CDH18: variants seen among roughly 807,000 people sequenced by gnomAD.
CDH18 encodes the protein cadherin-18.
CDH18 carries 31 observed loss-of-function variants against 67.9 expected under a neutral mutation model. That is an observed-to-expected ratio of 0.46 (90% CI 0.34 to 0.62). CDH18 has a LOEUF of 0.62. Among genes scored for constraint, CDH18 ranks in the 20% least tolerant of loss-of-function variants. The probability of loss-of-function intolerance (pLI) is 0.01; values close to 1 mark genes in which losing one functional copy is unlikely to be tolerated. For synonymous variants in CDH18, 362 were observed against 347.2 expected (o/e 1.04, Z -0.48); for missense variants, 890 against 975.5 (o/e 0.91, Z 1.17).
chr5:19,782,707 G>A (rs184344122), intron 3 of CDH18, among the ~76,000 whole-genome samples: 1 of 152,218 alleles, frequency 6.6e-6, no homozygotes, highest in East Asian at 1.9e-4. Flanking sequence ...ACTCTGATTT[G>A]TCTCCTGCAC....
intron 1 of CDH18, among the ~76,000 whole-genome samples, chr5:20,552,893 T>G (rs1296293721): frequency 6.6e-6 from 1 of 152,096 alleles, no homozygotes; most frequent in African/African-American, 2.4e-5. Context: ...TAGCCGAGAC[T>G]ACAGGCGTGC....
At chr5:20,068,197 T>C (rs1743151131) in intron 2 of CDH18, among the ~76,000 whole-genome samples, 1 of 152,108 alleles carries the variant, frequency 6.6e-6, no homozygotes, top group Non-Finnish European at 1.5e-5. Flanking sequence ...CGTGGCTCTT[T>C]GAGGCATTGT....
rs187781714 is a variant in CDH18 at position 20,218,228 on chromosome 5, G to A, written c.-518+37216C>T. 2.6e-5 allele frequency among the ~76,000 whole-genome samples: 4 copies of A among 151,892 alleles called. No individual in the cohort carries two copies. In the East Asian group the frequency reaches 7.7e-4, roughly 29 times the overall value. ...GTGCAGAATACACATTCTTCTCCTAGGCACATGGATGACACTCAAGAACAG... is the reference window on the plus strand; with the variant it reads ...GTGCAGAATACACATTCTTCTCCTAAGCACATGGATGACACTCAAGAACAG... On this transcript the variant is annotated intron_variant, in intron 2 of 14. Transcript: ENST00000507958.
At chr5:19,561,932 A>C (rs1480215568) in intron 8 of CDH18, among the ~76,000 whole-genome samples, 1 of 152,138 alleles carries the variant, frequency 6.6e-6, no homozygotes, top group African/African-American at 2.4e-5. Context: ...TATCAGCAAT[A>C]TATAATGTGA....
At chr5:20,545,967 T>G (rs1757319261) in intron 1 of CDH18, among the ~76,000 whole-genome samples, 1 of 152,178 alleles carries the variant, frequency 6.6e-6, no homozygotes, top group Non-Finnish European at 1.5e-5. Flanking sequence ...CTGAACATTT[T>G]CAGAATCAGC....
chr5:20,466,383 C>G (rs998570190), intron 1 of CDH18, among the ~76,000 whole-genome samples: 1 of 152,000 alleles, frequency 6.6e-6, no homozygotes, highest in Non-Finnish European at 1.5e-5. Flanking sequence ...AGTTCTTTAT[C>G]GGAAAATCAA....
intron 9 of CDH18, among the ~76,000 whole-genome samples, chr5:19,522,894 C>CAAAAA (rs36099222): frequency 3.6e-5 from 3 of 83,844 alleles, no homozygotes; most frequent in Admixed American, 1.5e-4. Flanking sequence ...GACTCCTTCT[C>CAAAAA]AAAAAAAAAA....
intron 5 of CDH18, among the ~76,000 whole-genome samples, chr5:19,718,290 T>C (rs1765589945): frequency 6.6e-6 from 1 of 152,016 alleles, no homozygotes. Context: ...TGGTCTTCAA[T>C]GAAAATAACT....
chr5:20,326,319 A>G (rs1738573149), intron 1 of CDH18, among the ~76,000 whole-genome samples: 1 of 152,154 alleles, frequency 6.6e-6, no homozygotes, highest in South Asian at 2.1e-4. Flanking sequence ...TACCATTTAT[A>G]TATTTTTAAA....
At position 19,766,560 on chromosome 5, in the gene CDH18, C is replaced by T. The variant is rs149806009; in HGVS notation, c.229-19324G>A. 2.0e-4 allele frequency among the ~76,000 whole-genome samples: 31 copies of T among 152,220 alleles called. No individual in the cohort carries two copies. In the East Asian group the frequency reaches 6.0e-3, roughly 29 times the overall value. On this transcript the variant is annotated intron_variant, in intron 3 of 12. Coordinates refer to ENST00000382275, the MANE Select transcript of CDH18 (RefSeq NM_004934.5). ...CACCCTGCTTGTCAATGTGTTATTT[C>T]TGAAATTGGAGTTTGATCCTTTTCT...
rs145330381 is a variant in CDH18, at chr5:19,994,262, CAT to C, written c.-517-2250_-517-2249del. Among the ~76,000 whole-genome samples, 2,590 of 147,124 alleles carry C rather than the reference CAT, an allele frequency of 0.018. 146 individuals carry two copies. The East Asian group carries it at 0.23, about 13-fold the overall frequency. On this transcript the variant is annotated intron_variant, in intron 2 of 14. Coordinates refer to the CDH18 transcript ENST00000507958. The stretch of plus-strand genomic sequence containing the variant: ...ACACACACATATACACATATATACA[CAT>C]ATATGTATACATATATACACATATA...
At chr5:20,193,516 G>A (rs555039651) in intron 2 of CDH18, among the ~76,000 whole-genome samples, 3 of 152,172 alleles carry the variant, frequency 2.0e-5, no homozygotes, top group South Asian at 2.1e-4. Context: ...ACAAAGAGTA[G>A]CTGATACCAG....
At position 20,555,408 on chromosome 5, in the gene CDH18, C is replaced by CTTTTTTTTTTTTTTTTTTTTTTT. The variant is rs774396694; in HGVS notation, c.-580+20031_-580+20053dup. 1.6e-4 allele frequency among the ~76,000 whole-genome samples: 17 copies of CTTTTTTTTTTTTTTTTTTTTTTT among 103,654 alleles called. 1 individual carries two copies. Among genetic ancestry groups the CTTTTTTTTTTTTTTTTTTTTTTT allele is most frequent in the Non-Finnish European group, 2.3e-4 (12 of 53,050 alleles). The allele number at this position is 103,654 out of a possible 152,430, so 68.0% of individuals were successfully genotyped here. A position where few individuals can be genotyped will look rare whatever the true frequency, so the allele number is the denominator to read the frequency against. On this transcript the variant is annotated intron_variant, in intron 1 of 14. Coordinates refer to the CDH18 transcript ENST00000507958. ...GCCAGAACCACCAAGACAAGCTTTT[C>CTTTTTTTTTTTTTTTTTTTTTTT]TTTTTTTTTTTTTTTTTTTTTTTTT...
At chr5:19,821,407 A>C (rs983765472) in intron 3 of CDH18, among the ~76,000 whole-genome samples, 1 of 132,492 alleles carries the variant, frequency 7.5e-6, no homozygotes, top group Non-Finnish European at 1.6e-5. Context: ...AACAAAAAAC[A>C]AAAAAAAAAA....
At chr5:19,704,471 T>C (rs1344861653) in intron 5 of CDH18, among the ~76,000 whole-genome samples, 4 of 152,156 alleles carry the variant, frequency 2.6e-5, no homozygotes, top group South Asian at 2.1e-4. Flanking sequence ...AGAGCAATTA[T>C]ACAGCCCTCA....
chr5:19,833,316 C>T (rs1781262915), intron 3 of CDH18, among the ~76,000 whole-genome samples: 1 of 151,746 alleles, frequency 6.6e-6, no homozygotes, highest in Non-Finnish European at 1.5e-5. Flanking sequence ...TCATGGCTCT[C>T]TCCTTGCCTA....
chr5:20,092,105 T>C (rs1202435493), intron 2 of CDH18, among the ~76,000 whole-genome samples: 1 of 152,154 alleles, frequency 6.6e-6, no homozygotes. Flanking sequence ...TATAAGATGC[T>C]GCAACAGTGT....
intron 2 of CDH18, among the ~76,000 whole-genome samples, chr5:20,136,382 TCTGTTTTATCAGAGA>T (rs1350758119): frequency 2.0e-5 from 3 of 152,190 alleles, no homozygotes; most frequent in Non-Finnish European, 4.4e-5. Flanking sequence ...TGGTTTAAAG[TCTGTTTTATCAGAGA>T]CTAGGAATGC....
chr5:19,511,301 A>C (rs566105411), intron 10 of CDH18, among the ~76,000 whole-genome samples: 1 of 143,580 alleles, frequency 7.0e-6, no homozygotes, highest in African/African-American at 2.6e-5. Context: ...TGTCTCAAGC[A>C]GTTCTTAATA....
Sources: allele counts gnomAD v4.1 joint callset (sites outside exome capture counted in the v4.1 genomes callset), GRCh38; gene constraint gnomAD v4.1.1; transcripts MANE v1.5; gene names NCBI Gene and HGNC (gene_info 2026-07-23, HGNC 2026-07-21).